The following KLHL1 variants were observed in gnomAD, a reference collection of about 807,000 sequenced individuals.
KLHL1 encodes the protein kelch like family member 1, also known as kelch-like protein 1.
A neutral mutation model predicts 77.7 loss-of-function variants in KLHL1; 47 were observed. The observed-to-expected ratio is 0.60, with a 90% CI of 0.48 to 0.77. The LOEUF (loss-of-function observed/expected upper bound fraction) is 0.77, where lower values mean the gene tolerates loss of function less well. Ranked by LOEUF, KLHL1 falls within the 30% of genes least tolerant of loss-of-function variation. The pLI, the probability that KLHL1 is intolerant of heterozygous loss-of-function variation, is 0.00. For missense variants in KLHL1, 925 were observed against 910.8 expected, an observed-to-expected ratio of 1.02 and a Z score of -0.20; for synonymous variants, 360 against 325.2, an observed-to-expected ratio of 1.11 and a Z score of -1.15.
intron 7 of KLHL1, among the ~76,000 whole-genome samples, chr13:69,742,304 CTCTGT>C: frequency 6.6e-6 from 1 of 152,262 alleles, no homozygotes; most frequent in African/African-American, 2.4e-5. Context: ...AGAACTATCT[CTCTGT>C]TCTTAGTCTT....
At chr13:70,051,719 A>G (rs1402438115) in intron 1 of KLHL1, among the ~76,000 whole-genome samples, 1 of 152,008 alleles carries the variant, frequency 6.6e-6, no homozygotes, top group Non-Finnish European at 1.5e-5. Context: ...TGGATGACTC[A>G]ATTATATTGT....
At chr13:69,993,222 C>A (rs992367043) in intron 1 of KLHL1, among the ~76,000 whole-genome samples, 5 of 152,050 alleles carry the variant, frequency 3.3e-5, no homozygotes, top group Non-Finnish European at 7.4e-5. Context: ...GGGGAACTTA[C>A]AAACAAGGAT....
intron 1 of KLHL1, among the ~76,000 whole-genome samples, chr13:70,054,345 A>G (rs1275752000): frequency 6.6e-6 from 1 of 152,156 alleles, no homozygotes; most frequent in East Asian, 1.9e-4. Flanking sequence ...TTAATGTGAT[A>G]CAAGTGTCCA....
chr13:70,003,001 T>A (rs1210721874), intron 1 of KLHL1, among the ~76,000 whole-genome samples: 2 of 151,630 alleles, frequency 1.3e-5, no homozygotes, highest in Non-Finnish European at 3.0e-5. Flanking sequence ...CTTGTAGATA[T>A]GCAAATAAAT....
chr13:69,943,883 G>T (rs1186404678), intron 3 of KLHL1, among the ~76,000 whole-genome samples: 1 of 152,132 alleles, frequency 6.6e-6, no homozygotes. Flanking sequence ...AAAATCAGAC[G>T]GAAGACCTAC....
At chr13:69,980,714 G>A (rs908517488) in intron 1 of KLHL1, among the ~76,000 whole-genome samples, 1 of 151,952 alleles carries the variant, frequency 6.6e-6, no homozygotes, top group Admixed American at 6.6e-5. Context: ...GGGGATAGAT[G>A]TGCATTTGTT....
At chr13:69,974,092 A>C (rs2137289539) in intron 2 of KLHL1, among the ~76,000 whole-genome samples, 1 of 152,146 alleles carries the variant, frequency 6.6e-6, no homozygotes, top group Non-Finnish European at 1.5e-5. Context: ...TTGCTCAAAT[A>C]AACTCTTTAA....
At chr13:70,000,457 T>C (rs1285426509) in intron 1 of KLHL1, among the ~76,000 whole-genome samples, 1 of 152,060 alleles carries the variant, frequency 6.6e-6, no homozygotes, top group Admixed American at 6.6e-5. Context: ...ATACATTAGT[T>C]ATATAATACC....
At chr13:69,912,245 G>GT (rs1466864749) in intron 4 of KLHL1, among the ~76,000 whole-genome samples, 1 of 152,058 alleles carries the variant, frequency 6.6e-6, no homozygotes, top group Non-Finnish European at 1.5e-5. Flanking sequence ...ATTTCTTCCT[G>GT]TTTCATCCAA....
At chr13:70,051,631 A>G (rs923643979) in intron 1 of KLHL1, among the ~76,000 whole-genome samples, 5 of 152,080 alleles carry the variant, frequency 3.3e-5, no homozygotes, top group South Asian at 2.1e-4. Context: ...TGAGTTACAC[A>G]TGAATTGAAA....
chr13:69,893,298 A>C lies in KLHL1; in HGVS notation c.1015-10803T>G, dbSNP rs1881499455. ...GCCGGACTGCGGACTGCAGTGGCGC[A>C]ATCTCGGCTCACTGCAAGCTCCGCT... On this transcript the variant is annotated intron_variant, in intron 4 of 10. Coordinates refer to ENST00000377844, the MANE Select transcript of KLHL1 (RefSeq NM_020866.3). 3.4e-5 allele frequency among the ~76,000 whole-genome samples: 5 copies of C among 148,376 alleles called. No homozygotes were observed. The South Asian group carries it at 1.1e-3, about 32-fold the overall frequency.
chr13:69,888,845 T>G (rs1881318029), intron 4 of KLHL1, among the ~76,000 whole-genome samples: 1 of 152,038 alleles, frequency 6.6e-6, no homozygotes, highest in Non-Finnish European at 1.5e-5. Flanking sequence ...TTTAAAAATC[T>G]CAAATAAACT....
At chr13:70,074,181 G>T (rs184111688) in intron 1 of KLHL1, among the ~76,000 whole-genome samples, 48 of 152,150 alleles carry the variant, frequency 3.2e-4, no homozygotes, top group African/African-American at 9.9e-4. Flanking sequence ...ATGATTTGAA[G>T]AATTAAGAGA....
At chr13:69,775,427 G>C (rs548607258) in intron 7 of KLHL1, among the ~76,000 whole-genome samples, 34 of 151,540 alleles carry the variant, frequency 2.2e-4, no homozygotes, top group Non-Finnish European at 4.3e-4. Context: ...CAATTTATAG[G>C]GTATACTCTT....
intron 9 of KLHL1, among the ~76,000 whole-genome samples, chr13:69,709,835 G>A (rs1875797507): frequency 6.6e-6 from 1 of 151,802 alleles, no homozygotes; most frequent in Non-Finnish European, 1.5e-5. Flanking sequence ...GATTATAGGG[G>A]AGTTAATTGT....
rs1471612709 is a variant in KLHL1 at position 70,037,244 on chromosome 13, C to T, written c.498-61442G>A. 8.5e-5 allele frequency among the ~76,000 whole-genome samples: 13 copies of T among 152,090 alleles called. No homozygotes were observed. In the East Asian group the frequency reaches 2.5e-3, roughly 29 times the overall value. On this transcript the variant is annotated intron_variant, in intron 1 of 10. Coordinates refer to ENST00000377844, the MANE Select transcript of KLHL1 (RefSeq NM_020866.3). ...TGGTGGTGACAGTTTGTGGTAAAGT[C>T]TCTCAGCTTTTATCTGAAAATGGCT...
At chr13:70,038,915 G>GT (rs1733811618) in intron 1 of KLHL1, among the ~76,000 whole-genome samples, 2 of 151,940 alleles carry the variant, frequency 1.3e-5, no homozygotes, top group South Asian at 4.1e-4. Flanking sequence ...TCTAATACAC[G>GT]TATCTTCATA....
At chr13:69,765,541 C>T (rs1875259648) in intron 7 of KLHL1, among the ~76,000 whole-genome samples, 1 of 152,026 alleles carries the variant, frequency 6.6e-6, no homozygotes, top group Non-Finnish European at 1.5e-5. Flanking sequence ...TCTTTAATTC[C>T]TACAATGTCC....
intron 2 of KLHL1, among the ~76,000 whole-genome samples, chr13:69,974,431 C>G (rs9572323): frequency 0.62 from 93,317 of 151,056 alleles, 28,983 homozygotes; most frequent in Non-Finnish European, 0.65. Context: ...TGTATATAAA[C>G]AGTAATAAAG....
Sources: allele counts gnomAD v4.1 joint callset (sites outside exome capture counted in the v4.1 genomes callset), GRCh38; gene constraint gnomAD v4.1.1; transcripts MANE v1.5; gene names NCBI Gene and HGNC (gene_info 2026-07-23, HGNC 2026-07-21).